EIF2AK4: variants seen among roughly 807,000 people sequenced by gnomAD.
EIF2AK4 encodes the protein eIF-2-alpha kinase GCN2.
EIF2AK4 carries 139 observed loss-of-function variants against 211.1 expected under a neutral mutation model. The ratio of observed to expected loss-of-function variants is 0.66; its 90% CI spans 0.57 to 0.76. EIF2AK4 has a LOEUF of 0.76. EIF2AK4 is among the 30% of genes least tolerant of loss of function. The pLI is 0.00. For synonymous variants in EIF2AK4, 710 were observed against 751.3 expected, an observed-to-expected ratio of 0.94 and a Z score of 0.90; for missense variants, 1,664 against 2,043.8, an observed-to-expected ratio of 0.81 and a Z score of 3.58.
chr15:39,968,503 CCT>C (rs1456056768), intron 9 of EIF2AK4, among the ~76,000 whole-genome samples: 5 of 152,150 alleles, frequency 3.3e-5, no homozygotes, highest in Non-Finnish European at 7.4e-5. Flanking sequence ...TTTCGTCCTG[CCT>C]CTGTTTTCAG....
intron 18 of EIF2AK4, among the ~76,000 whole-genome samples, chr15:39,994,602 C>G (rs931724611): frequency 6.6e-6 from 1 of 152,178 alleles, no homozygotes; most frequent in Non-Finnish European, 1.5e-5. Flanking sequence ...GAGCAAGACC[C>G]TGTCTGAATC....
intron 7 of EIF2AK4, among the ~76,000 whole-genome samples, chr15:39,962,267 A>G (rs944132611): frequency 6.6e-6 from 1 of 152,232 alleles, no homozygotes; most frequent in African/African-American, 2.4e-5. Flanking sequence ...TCAATAAAAT[A>G]AAATAAAATT....
chr15:40,002,457 A>G (rs2035105962), intron 21 of EIF2AK4: 1 of 420,172 alleles, frequency 2.4e-6, no homozygotes, highest in Non-Finnish European at 4.3e-6. Flanking sequence ...GCAAATATCA[A>G]TGTGGCCAAG....
At chr15:39,971,727 A>AT (rs1424868719) in intron 9 of EIF2AK4, among the ~76,000 whole-genome samples, 1 of 151,798 alleles carries the variant, frequency 6.6e-6, no homozygotes, top group Admixed American at 6.6e-5. Context: ...AAAAAAAAAA[A>AT]TTAAAATTAA....
intron 6 of EIF2AK4, 74 bp from the exon 7 acceptor site, chr15:39,961,710 A>G (rs1269300921): frequency 2.5e-6 from 3 of 1,201,328 alleles, no homozygotes; most frequent in Admixed American, 3.8e-5. Flanking sequence ...TTAATCTATA[A>G]CATTCCTATG....
At chr15:40,026,139 G>A (rs777454402) in intron 33 of EIF2AK4, 50 bp downstream of exon 33, 3 of 1,487,566 alleles carry the variant, frequency 2.0e-6, no homozygotes, top group Non-Finnish European at 2.8e-6. Flanking sequence ...TACCTATATG[G>A]AAACTACGTA....
At chr15:39,973,801 T>C in intron 11 of EIF2AK4, 52 bp downstream of exon 11, 3 of 1,597,252 alleles carry the variant, frequency 1.9e-6, no homozygotes, top group Non-Finnish European at 2.6e-6. Context: ...CTCTGTTCCA[T>C]TTCCACAAAG....
rs770098212 is a variant in EIF2AK4, at chr15:40,030,404, T to C, written c.4607T>C (p.Val1536Ala). 12 of 1,614,130 alleles carry C rather than the reference T, an allele frequency of 7.4e-6. No homozygotes were observed. Among genetic ancestry groups the C allele is most frequent in the South Asian group, 1.1e-5 (1 of 91,068 alleles). Reference sequence around the variant, plus strand: ...GCAACAGTGGTTCCCATTGTGAGTGTGCTAGCCCCGGAGAAGCTGTCAGCC... The same window carrying C: ...GCAACAGTGGTTCCCATTGTGAGTGCGCTAGCCCCGGAGAAGCTGTCAGCC... ...HGATVVPIVS[V>A]LAPEKLSAST... is the part of the protein sequence containing the mutation. Residue 1536 changes from valine (V) to alanine (A), a missense_variant, in exon 35 of 39, where the codon GTG (valine) becomes GCG (alanine). Around this residue, in one of 7 missense-constraint regions of EIF2AK4, gnomAD observed 138 missense variants for 165.1 expected, o/e 0.84. Transcript: ENST00000263791.
intron 36 of EIF2AK4, 29 bp downstream of exon 36, chr15:40,032,266 G>A (rs759699180): frequency 3.7e-6 from 6 of 1,601,096 alleles, no homozygotes; most frequent in Middle Eastern, 3.3e-4. Context: ...TATTTTGAAG[G>A]TGGCTTCTGT....
At chr15:39,949,084 C>T (rs761870138) in intron 3 of EIF2AK4, 32 bp from the exon 4 acceptor site, 3 of 1,601,788 alleles carry the variant, frequency 1.9e-6, no homozygotes, top group Admixed American at 1.7e-5. Flanking sequence ...ATTATTTGAT[C>T]ATTTGTGGTT....
At position 40,034,949 on chromosome 15, in the gene EIF2AK4, G is replaced by A. The variant is rs2035595022; in HGVS notation, c.4893-78G>A. 9.7e-6 allele frequency: 11 copies of A among 1,129,430 alleles called. No homozygotes were observed. In the South Asian group the frequency reaches 1.3e-4, roughly 14 times the overall value. 70.0% of individuals were successfully genotyped at this position (1,129,430 alleles called of 1,614,324 possible). On this transcript the variant is annotated intron_variant, in intron 38 of 38. Transcript: ENST00000263791. Reference sequence around the variant, plus strand: ...TTTTGCTTAAATAAAGCTCCTACAGGTGTTATAAAAATTTATTAGCTCTGT... The same window carrying A: ...TTTTGCTTAAATAAAGCTCCTACAGATGTTATAAAAATTTATTAGCTCTGT...
intron 37 of EIF2AK4, 46 bp downstream of exon 37, chr15:40,032,847 A>G (rs1337360422): frequency 6.4e-7 from 1 of 1,553,574 alleles, no homozygotes; most frequent in Non-Finnish European, 8.8e-7. Flanking sequence ...AAGATCCCAA[A>G]TCTTTGCTAT....
At chr15:39,967,236 GT>G in intron 8 of EIF2AK4, 107 bp from the exon 9 acceptor site, 3 of 1,318,462 alleles carry the variant, frequency 2.3e-6, no homozygotes, top group South Asian at 3.3e-5. Flanking sequence ...TTTTGGTTTT[GT>G]TTTTTTATGC....
chr15:40,020,926 G>A lies in EIF2AK4; in HGVS notation c.4201G>A (p.Val1401Ile), dbSNP rs1595434113. The A allele has an allele frequency of 6.2e-7, 1 of 1,612,204 alleles. No individual in the cohort carries two copies. Among genetic ancestry groups the A allele is most frequent in the Non-Finnish European group, 8.5e-7 (1 of 1,179,110 alleles). The change falls in exon 31 of 39, where the codon GTT becomes ATT. Residue 1401 changes from valine (V) to isoleucine (I), a missense_variant. This residue lies in a region of EIF2AK4 where 622 missense variants were observed against 796.8 expected (regional missense o/e 0.78). Transcript: ENST00000263791. ...SVTISSCDLL[V>I]VSVGQMSMSR... ...TACAATAAGCTCTTGTGACCTCCTG[G>A]TTGTAAGTGTTGGCCAGATGTCTAT...
At chr15:39,978,303 C>A in intron 13 of EIF2AK4, 156 bp downstream of exon 13, 1 of 400,942 alleles carries the variant, frequency 2.5e-6, no homozygotes, top group Non-Finnish European at 4.4e-6. Flanking sequence ...TATATTCTAC[C>A]TGTGTTTATT....
Position 40,017,551 on chromosome 15 carries a change from A to ATATATATATATATG in EIF2AK4, c.4065+312_4065+313insATATATATATGTAT, listed in dbSNP as rs71132134. ...TATATATATATATATATATATATAT[A>ATATATATATATATG]TATGTATTTTGGAGACAGGGCCTTG... is the stretch of plus-strand genomic sequence containing the variant. On this transcript the variant is annotated intron_variant, in intron 29 of 38. Transcript: ENST00000263791. Among the ~76,000 whole-genome samples the ATATATATATATATG allele has an allele frequency of 6.0e-4, 52 of 86,886 alleles. 1 individual carries two copies. Among genetic ancestry groups the ATATATATATATATG allele is most frequent in the South Asian group, 1.1e-3 (3 of 2,788 alleles). The allele number at this position is 86,886 out of a possible 152,430, so 57.0% of individuals were successfully genotyped here.
chr15:39,949,333 T>A (rs1337145164), intron 4 of EIF2AK4, 65 bp downstream of exon 4: 2 of 1,581,868 alleles, frequency 1.3e-6, no homozygotes, highest in Non-Finnish European at 1.7e-6. Context: ...TACTGTAGGT[T>A]TTATCTGTCT....
chr15:39,973,864 G>T (rs1480523900), intron 11 of EIF2AK4, 115 bp downstream of exon 11: 16 of 1,180,734 alleles, frequency 1.4e-5, no homozygotes, highest in Non-Finnish European at 1.8e-5. Context: ...GAATATGGCT[G>T]TTGGATACTA....
At chr15:40,033,862 A>G (rs1031125954) in intron 37 of EIF2AK4, among the ~76,000 whole-genome samples, 1 of 152,012 alleles carries the variant, frequency 6.6e-6, no homozygotes, top group Non-Finnish European at 1.5e-5. Context: ...CCCCATCTCT[A>G]CTAAAAATAC....
Sources: gnomAD v4.1 joint callset for allele counts (sites outside exome capture counted in the v4.1 genomes callset) on GRCh38, gnomAD v4.1.1 for gene constraint, gnomAD v4.1.1 regional missense constraint, MANE v1.5 for transcripts, NCBI Gene and HGNC (gene_info 2026-07-23, HGNC 2026-07-21) for gene names.